Variants in MYO9A observed in about 807,000 individuals in gnomAD.
MYO9A encodes myosin IXA, also known as unconventional myosin-IXa.
A neutral mutation model predicts 293.3 loss-of-function variants in MYO9A; 103 were observed. The ratio of observed to expected loss-of-function variants is 0.35; its 90% CI spans 0.30 to 0.41. The LOEUF (loss-of-function observed/expected upper bound fraction) is 0.41. MYO9A is among the 10% of genes least tolerant of loss of function. MYO9A has a pLI of 1.00. For synonymous variants in MYO9A, 1,001 were observed against 1,035.7 expected, an observed-to-expected ratio of 0.97 and a Z score of 0.64; for missense variants, 2,685 against 3,033.0, an observed-to-expected ratio of 0.89 and a Z score of 2.69.
chr15:71,902,906 T>C (rs532037294), intron 22 of MYO9A, 35 bp downstream of exon 22: 3 of 1,425,556 alleles, frequency 2.1e-6, no homozygotes, highest in Non-Finnish European at 2.8e-6. Context: ...ATAAATGCAC[T>C]CAATTTTGAC....
At position 71,935,186 on chromosome 15, in the gene MYO9A, G is replaced by T. The variant is rs28514321; in HGVS notation, c.2522+155C>A. 5 of 764,160 alleles carry T rather than the reference G, an allele frequency of 6.5e-6. No homozygotes were observed. In the African/African-American group the frequency reaches 8.8e-5, roughly 13 times the overall value. 47.3% of individuals were successfully genotyped at this position (764,160 alleles called of 1,614,324 possible). Reference sequence around the variant, plus strand: ...ACACATGAGATTCATGGCTGTAAACGCTACCTAAATAACTTTGAGTCTTGT... The same window carrying T: ...ACACATGAGATTCATGGCTGTAAACTCTACCTAAATAACTTTGAGTCTTGT... On this transcript the variant is annotated intron_variant, in intron 17 of 41. Transcript: ENST00000356056.
intron 1 of MYO9A, among the ~76,000 whole-genome samples, chr15:72,110,199 G>A (rs1173645397): frequency 6.6e-6 from 1 of 151,852 alleles, no homozygotes; most frequent in Non-Finnish European, 1.5e-5. Flanking sequence ...ACTTTGGGAG[G>A]CCGAGGCAGG....
At chr15:72,118,186 C>A (rs1596634034), upstream of MYO9A, 6 of 361,306 alleles carry the variant, frequency 1.7e-5, no homozygotes, top group Non-Finnish European at 3.0e-5. Flanking sequence ...CAGCACGGGT[C>A]GGCCCCGCCC....
chr15:71,938,319 C>A (rs1270398472), intron 16 of MYO9A, among the ~76,000 whole-genome samples: 1 of 143,526 alleles, frequency 7.0e-6, no homozygotes, highest in Non-Finnish European at 1.5e-5. Context: ...ATACAAATTA[C>A]AATCTTTATT....
At chr15:72,117,558 G>C in intron 1 of MYO9A, 122 bp downstream of exon 1, 3 of 370,052 alleles carry the variant, frequency 8.1e-6, no homozygotes, top group Non-Finnish European at 9.6e-6. Flanking sequence ...GCTCGGCGCA[G>C]ACCCGCTCGC....
At chr15:72,101,247 G>A (rs1385826829) in intron 1 of MYO9A, among the ~76,000 whole-genome samples, 6 of 132,076 alleles carry the variant, frequency 4.5e-5, no homozygotes, top group African/African-American at 1.4e-4. Context: ...GGAGGTGGGG[G>A]GGTCAGCCCC....
intron 18 of MYO9A, among the ~76,000 whole-genome samples, chr15:71,932,264 T>C (rs923824831): frequency 6.6e-6 from 1 of 152,108 alleles, no homozygotes; most frequent in African/African-American, 2.4e-5. Flanking sequence ...TATCTCATCT[T>C]GGGGGAAAAA....
Position 71,901,284 on chromosome 15 carries a change from C to A in MYO9A, c.3057G>T (p.Val1019=). 3.1e-6 allele frequency: 5 copies of A among 1,613,996 alleles called. No individual in the cohort carries two copies. Among genetic ancestry groups the A allele is most frequent in the Non-Finnish European group, 4.2e-6 (5 of 1,179,946 alleles). The change falls in exon 23 of 42, where the codon GTG becomes GTT. Residue 1019 remains valine (V), a synonymous_variant. Transcript: ENST00000356056. ...QHLQDLLHQE[V]LRRIILLQRW... is the part of the protein sequence containing the mutation. ...GCTGCAACAATATGATTCTGCGGAG[C>A]ACCTCTTGGTGAAGCAGATCTTGTA...
chr15:72,039,965 G>T, intron 2 of MYO9A: 1 of 189,318 alleles, frequency 5.3e-6, no homozygotes, highest in South Asian at 1.2e-4. Context: ...TAAGAAGCCA[G>T]GACATCCTGG....
chr15:71,938,740 A>C, intron 16 of MYO9A, 112 bp downstream of exon 16: 2 of 911,392 alleles, frequency 2.2e-6, no homozygotes, highest in Non-Finnish European at 3.2e-6. Context: ...CAAGAAATAA[A>C]AAAACAAAAC....
intron 18 of MYO9A, among the ~76,000 whole-genome samples, chr15:71,928,455 G>C (rs547660059): frequency 4.1e-4 from 62 of 151,872 alleles, no homozygotes; most frequent in Non-Finnish European, 7.2e-4. Flanking sequence ...ATGAATTTCA[G>C]GATTTTTTTT....
intron 31 of MYO9A, 59 bp from the exon 32 acceptor site, chr15:71,875,897 T>C: frequency 1.1e-6 from 1 of 951,976 alleles, no homozygotes; most frequent in Non-Finnish European, 1.4e-6. Context: ...CATACTTTCT[T>C]ACTTCATTGC....
Position 71,897,441 on chromosome 15 carries a change from T to C in MYO9A, c.5042+20A>G, listed in dbSNP as rs2057361597. On this transcript the variant is annotated intron_variant, in intron 25 of 41. Coordinates refer to ENST00000356056, the MANE Select transcript of MYO9A (RefSeq NM_006901.4). The stretch of plus-strand genomic sequence containing the variant: ...CTCCAAGAAGTTTCCCATTTATACA[T>C]AAATAAACATTTCACTTACAGGGGA... 1 of 1,574,154 alleles carries C rather than the reference T, an allele frequency of 6.4e-7. No homozygotes were observed. The highest frequency in any genetic ancestry group is 2.2e-5 in the East Asian group (1 of 44,446).
chr15:71,886,837 C>A (rs11633167), intron 27 of MYO9A, among the ~76,000 whole-genome samples: 82,683 of 151,790 alleles, frequency 0.54, 27,504 homozygotes, highest in Non-Finnish European at 0.73. Flanking sequence ...GATGTATGTT[C>A]TTCTACTGTG....
rs1211284485 is a variant in MYO9A at position 71,854,456 on chromosome 15, A to G, written c.6267T>C (p.His2089=). 1 of 1,613,650 alleles carries G rather than the reference A, an allele frequency of 6.2e-7. No individual in the cohort carries two copies. Among genetic ancestry groups the G allele is most frequent in the Non-Finnish European group, 8.5e-7 (1 of 1,179,812 alleles). Residue 2089 remains histidine (H), a synonymous_variant, in exon 35 of 42, where the codon CAT becomes CAC. Coordinates refer to ENST00000356056, the MANE Select transcript of MYO9A (RefSeq NM_006901.4). ...VEKLINYIEM[H]GLYTEGIYRK... ...GATAAATACCTTCTGTATACAGTCC[A>G]TGCATTTCAATGTAGTTTATGAGCT...
At chr15:72,084,733 C>T (rs1268627083) in intron 1 of MYO9A, among the ~76,000 whole-genome samples, 1 of 152,168 alleles carries the variant, frequency 6.6e-6, no homozygotes, top group Non-Finnish European at 1.5e-5. Flanking sequence ...CTTAGTTTGG[C>T]TGGATAAGAA....
At chr15:71,888,949 C>T (rs1365498512) in intron 26 of MYO9A, among the ~76,000 whole-genome samples, 1 of 152,078 alleles carries the variant, frequency 6.6e-6, no homozygotes, top group Non-Finnish European at 1.5e-5. Context: ...TATGAAACCG[C>T]AATGTTTAAA....
At chr15:71,859,126 C>A (rs571650157) in intron 34 of MYO9A, among the ~76,000 whole-genome samples, 1 of 152,322 alleles carries the variant, frequency 6.6e-6, no homozygotes, top group Admixed American at 6.5e-5. Context: ...CTACTGCAAA[C>A]AACATGCACA....
chr15:71,830,113 CCTT>C lies in MYO9A; in HGVS notation c.7033_7035del (p.Lys2345del). 1 of 1,613,948 alleles carries C rather than the reference CCTT, an allele frequency of 6.2e-7. No homozygotes were observed. Among genetic ancestry groups the C allele is most frequent in the East Asian group, 2.2e-5 (1 of 44,884 alleles). ...CCCTTCCTCCTGGATACTCACTTCT[CCTT>C]CTGTAGGTTCTCAATCTGCTCAGTC... On this transcript the variant is annotated inframe_deletion, in exon 40 of 42. Transcript: ENST00000356056.
Sources: allele counts gnomAD v4.1 joint callset (sites outside exome capture counted in the v4.1 genomes callset), GRCh38; gene constraint gnomAD v4.1.1; transcripts MANE v1.5; gene names NCBI Gene and HGNC (gene_info 2026-07-23, HGNC 2026-07-21).